The following CALD1 variants were observed in gnomAD, a reference collection of about 807,000 sequenced individuals.
The protein encoded by CALD1 is caldesmon.
In CALD1, 33 loss-of-function variants were observed where a neutral mutation model predicts 99.9. The observed-to-expected ratio is 0.33, with a 90% CI of 0.25 to 0.44. The LOEUF (loss-of-function observed/expected upper bound fraction) is 0.44, where lower values mean the gene tolerates loss of function less well. CALD1 is among the 20% of genes least tolerant of loss of function. CALD1 has a pLI of 1.00. For synonymous variants in CALD1, 310 were observed against 325.0 expected, an observed-to-expected ratio of 0.95 and a Z score of 0.50; for missense variants, 861 against 962.1, an observed-to-expected ratio of 0.89 and a Z score of 1.39.
chr7:134,961,033 T>A (rs1452520454), intron 13 of CALD1: 6 of 154,492 alleles, frequency 3.9e-5, no homozygotes, highest in African/African-American at 7.2e-5. Context: ...AATATGTATG[T>A]TGCCTATTGG....
At chr7:134,789,869 A>C (rs1449817679) in intron 1 of CALD1, among the ~76,000 whole-genome samples, 1 of 152,044 alleles carries the variant, frequency 6.6e-6, no homozygotes. Flanking sequence ...GAAGCAGACA[A>C]CTTCCACTGT....
At chr7:134,776,062 T>C (rs1014728701), upstream of CALD1, among the ~76,000 whole-genome samples, 4 of 152,210 alleles carry the variant, frequency 2.6e-5, no homozygotes, top group Non-Finnish European at 5.9e-5. Flanking sequence ...TCAAATTCTC[T>C]ACACAGATAA....
At chr7:134,792,522 T>C (rs1047602321) in intron 1 of CALD1, among the ~76,000 whole-genome samples, 3 of 151,956 alleles carry the variant, frequency 2.0e-5, no homozygotes, top group Non-Finnish European at 4.4e-5. Flanking sequence ...GAACTCCTGC[T>C]GTCAGGTGAT....
chr7:134,740,279 T>C (rs12535534), upstream of CALD1, among the ~76,000 whole-genome samples: 51,855 of 151,814 alleles, frequency 0.34, 9,304 homozygotes, highest in African/African-American at 0.42. Context: ...AAATATGCAA[T>C]GACACAAGTC....
At chr7:134,797,795 T>C (rs1373840759) in intron 1 of CALD1, among the ~76,000 whole-genome samples, 1 of 152,184 alleles carries the variant, frequency 6.6e-6, no homozygotes, top group African/African-American at 2.4e-5. Flanking sequence ...TTTCACCATA[T>C]TGTCCAGGAT....
the CALD1 span, among the ~76,000 whole-genome samples, chr7:134,719,667 G>T: frequency 6.6e-6 from 1 of 152,250 alleles, no homozygotes; most frequent in African/African-American, 2.4e-5. Context: ...GCCATTGTCC[G>T]ATATGTGTTT....
At chr7:134,799,648 C>T (rs952859215) in intron 1 of CALD1, among the ~76,000 whole-genome samples, 2 of 152,122 alleles carry the variant, frequency 1.3e-5, no homozygotes, top group African/African-American at 4.8e-5. Context: ...TAAATTACCA[C>T]TAGACTTTTA....
chr7:134,896,891 G>A (rs1001106653), intron 3 of CALD1, among the ~76,000 whole-genome samples: 2 of 152,164 alleles, frequency 1.3e-5, no homozygotes, highest in African/African-American at 4.8e-5. Flanking sequence ...TTTCCCTATA[G>A]AAACACAGCT....
the CALD1 span, among the ~76,000 whole-genome samples, chr7:134,729,143 C>T: frequency 2.0e-5 from 3 of 152,266 alleles, no homozygotes; most frequent in African/African-American, 4.8e-5. Flanking sequence ...TGAGCTGCCA[C>T]GCCTGGCCAA....
chr7:134,716,637 G>A, the CALD1 span, among the ~76,000 whole-genome samples: 2 of 152,146 alleles, frequency 1.3e-5, no homozygotes, highest in East Asian at 3.8e-4. Flanking sequence ...AGCCAGAAGG[G>A]TTCATGTCAA....
At chr7:134,955,289 G>C (rs1347614540) in intron 9 of CALD1, among the ~76,000 whole-genome samples, 2 of 152,198 alleles carry the variant, frequency 1.3e-5, no homozygotes, top group Admixed American at 6.5e-5. Context: ...ACTCGACGCT[G>C]AGGCAGAAGA....
chr7:134,716,900 T>C, the CALD1 span, among the ~76,000 whole-genome samples: 6 of 152,320 alleles, frequency 3.9e-5, no homozygotes, highest in African/African-American at 1.4e-4. Flanking sequence ...GTCTTCGATT[T>C]TTTGTGGTTA....
At chr7:134,874,501 C>T (rs1360158243) in intron 3 of CALD1, among the ~76,000 whole-genome samples, 1 of 152,190 alleles carries the variant, frequency 6.6e-6, no homozygotes, top group African/African-American at 2.4e-5. Flanking sequence ...AGCAGTGATG[C>T]TTTTATCCAT....
At chr7:134,960,860 G>A in intron 13 of CALD1, 1 of 348,374 alleles carries the variant, frequency 2.9e-6, no homozygotes, top group Non-Finnish European at 5.2e-6. Flanking sequence ...CTAACTGAGA[G>A]GAGGAATCAG....
intron 3 of CALD1, among the ~76,000 whole-genome samples, chr7:134,893,687 A>C (rs1802363512): frequency 6.6e-6 from 1 of 152,018 alleles, no homozygotes; most frequent in East Asian, 1.9e-4. Flanking sequence ...AACCTTCCTC[A>C]TTCCTCACTT....
At chr7:134,751,541 T>A (rs183349185) in intron 1 of CALD1, among the ~76,000 whole-genome samples, 67 of 152,338 alleles carry the variant, frequency 4.4e-4, no homozygotes, top group Non-Finnish European at 8.8e-4. Flanking sequence ...CAAGAATACA[T>A]CATTTATCCC....
At chr7:134,897,921 C>A (rs558536565) in intron 3 of CALD1, among the ~76,000 whole-genome samples, 1 of 151,898 alleles carries the variant, frequency 6.6e-6, no homozygotes, top group Non-Finnish European at 1.5e-5. Flanking sequence ...ATTGCCCATG[C>A]TGGTCTCAAA....
chr7:134,847,982 C>T (rs923373967), intron 2 of CALD1, among the ~76,000 whole-genome samples: 2 of 152,148 alleles, frequency 1.3e-5, no homozygotes, highest in African/African-American at 4.8e-5. Context: ...AGGACACAGA[C>T]TCAATTGCTT....
chr7:134,960,008 C>A lies in CALD1; in HGVS notation c.2096C>A (p.Ala699Asp). 1 of 1,614,106 alleles carries A rather than the reference C, an allele frequency of 6.2e-7. No individual in the cohort carries two copies. Among genetic ancestry groups the A allele is most frequent in the Non-Finnish European group, 8.5e-7 (1 of 1,180,006 alleles). Residue 699 changes from alanine (A) to aspartate (D), a missense_variant, in exon 12 of 15, where the codon GCC becomes GAC. By Grantham distance (126) the Ala-to-Asp change is moderately radical (BLOSUM62 -2). Around this residue, in one of 5 missense-constraint regions of CALD1, gnomAD observed 190 missense variants for 249.0 expected, o/e 0.76. Coordinates refer to ENST00000361675, the MANE Select transcript of CALD1 (RefSeq NM_033138.4). ...TKSAKPTKPA[A>D]SDLPVPAEGV... ...AGCGCAAAACCTACAAAGCCGGCAGCCTCGGATCTTCCTGTTCCTGCTGAA... is the reference window on the plus strand; with the variant it reads ...AGCGCAAAACCTACAAAGCCGGCAGACTCGGATCTTCCTGTTCCTGCTGAA...
Sources: allele counts gnomAD v4.1 joint callset (sites outside exome capture counted in the v4.1 genomes callset), GRCh38; gene constraint gnomAD v4.1.1; regional missense constraint gnomAD v4.1.1; transcripts MANE v1.5; gene names NCBI Gene and HGNC (gene_info 2026-07-23, HGNC 2026-07-21).